RSPH10B2: variants seen among roughly 807,000 people sequenced by gnomAD.
RSPH10B2 encodes radial spoke head 10 homolog B2, also known as radial spoke head 10 homolog B2 (Chlamydomonas).
In RSPH10B2, 9 loss-of-function variants were observed where a neutral mutation model predicts 49.0. That is an observed-to-expected ratio of 0.18 (90% confidence interval 0.11 to 0.32). The LOEUF (loss-of-function observed/expected upper bound fraction) is 0.32. Among genes scored for constraint, RSPH10B2 ranks in the 10% least tolerant of loss-of-function variants. The pLI is 1.00. For synonymous variants in RSPH10B2, 35 were observed against 210.2 expected, an observed-to-expected ratio of 0.17 and a Z score of 7.21; for missense variants, 95 against 589.9, an observed-to-expected ratio of 0.16 and a Z score of 8.69.
chr7:6,770,879 T>G (rs1233836772), intron 7 of RSPH10B2, among the ~76,000 whole-genome samples: 4 of 149,186 alleles, frequency 2.7e-5, no homozygotes, highest in Admixed American at 1.3e-4. Flanking sequence ...CACTCCAGCC[T>G]GGGCACAGAG....
chr7:6,767,851 C>T (rs1781504065), intron 6 of RSPH10B2, among the ~76,000 whole-genome samples: 2 of 72,198 alleles, frequency 2.8e-5, no homozygotes, highest in East Asian at 3.5e-4. Context: ...CCTCTCAAAG[C>T]GTTGGGATTA....
chr7:6,756,231 C>T (rs1190131491), upstream of RSPH10B2, among the ~76,000 whole-genome samples: 1 of 140,532 alleles, frequency 7.1e-6, no homozygotes, highest in East Asian at 2.2e-4. Flanking sequence ...GATCGCACCA[C>T]CGCACTCCAG....
intron 10 of RSPH10B2, among the ~76,000 whole-genome samples, chr7:6,776,980 C>T (rs1428313575): frequency 2.4e-5 from 3 of 124,198 alleles, no homozygotes; most frequent in Admixed American, 8.5e-5. Context: ...GTCCATGGCC[C>T]GTTAGGAAAC....
intron 3 of RSPH10B2, among the ~76,000 whole-genome samples, chr7:6,763,375 G>A (rs1781308775): frequency 2.0e-5 from 2 of 102,420 alleles, no homozygotes; most frequent in Admixed American, 2.1e-4. Context: ...GGAGGCAGAG[G>A]TTGCAGTGAG....
intron 18 of RSPH10B2, among the ~76,000 whole-genome samples, chr7:6,797,722 G>T (rs1409151049): frequency 9.3e-5 from 14 of 151,068 alleles, no homozygotes; most frequent in Non-Finnish European, 2.1e-4. Context: ...AGATGTGGTG[G>T]CAGGCGCCTG....
intron 13 of RSPH10B2, among the ~76,000 whole-genome samples, chr7:6,783,850 T>C (rs547797661): frequency 3.5e-5 from 5 of 144,110 alleles, no homozygotes; most frequent in African/African-American, 7.8e-5. Flanking sequence ...TTATTATTAT[T>C]ATTATTTTGA....
chr7:6,763,967 T>C (rs1413051755), exon 4 of RSPH10B2: 1 of 1,543,418 alleles, frequency 6.5e-7, no homozygotes, highest in African/African-American at 1.4e-5. Context: ...CCACGGCGTG[T>C]ACACGTGGCC....
upstream of RSPH10B2, chr7:6,757,242 TCAC>T: frequency 3.8e-5 from 1 of 26,448 alleles, no homozygotes; most frequent in Non-Finnish European, 5.5e-5. Context: ...GTGACACTAC[TCAC>T]TGCAGCCTCG....
At chr7:6,791,345 A>C (rs189169145) in intron 16 of RSPH10B2, among the ~76,000 whole-genome samples, 3,470 of 142,550 alleles carry the variant, frequency 0.024, 10 homozygotes, top group Non-Finnish European at 0.035. Flanking sequence ...CAACAGACCC[A>C]GGTGACATTT....
chr7:6,779,974 ATT>A (rs769877980), intron 11 of RSPH10B2, among the ~76,000 whole-genome samples: 2,490 of 109,924 alleles, frequency 0.023, 69 homozygotes, highest in African/African-American at 0.08. Flanking sequence ...TGCCTGGCTA[ATT>A]TTTTTTTTTT....
At position 6,796,860 on chromosome 7, in the gene RSPH10B2, G is replaced by C; in HGVS notation, c.2432+94G>C. 4.5e-6 allele frequency: 4 copies of C among 882,218 alleles called. 1 individual carries two copies. The highest frequency in any genetic ancestry group is 1.5e-6 in the Non-Finnish European group (1 of 660,866). The allele number at this position is 882,218 out of a possible 1,614,324, so 54.6% of individuals were successfully genotyped here. ...AACGCATCAGGACCAAGTGCTTTCC[G>C]GACAAGCCGTAATTTCCTATGGGCG... On this transcript the variant is annotated intron_variant, in intron 18 of 18. Transcript: ENST00000297186.
intron 15 of RSPH10B2, among the ~76,000 whole-genome samples, 166 bp downstream of exon 17, chr7:6,787,187 C>T (rs1190015903): frequency 7.3e-6 from 1 of 136,600 alleles, no homozygotes; most frequent in East Asian, 2.6e-4. Flanking sequence ...AACCCTGTCT[C>T]TATTAAAACT....
chr7:6,781,869 A>T lies in RSPH10B2; in HGVS notation c.1758+393A>T, dbSNP rs1259058076. Among the ~76,000 whole-genome samples the T allele has an allele frequency of 1.2e-4, 12 of 99,272 alleles. 4 individuals carry two copies. Among genetic ancestry groups the T allele is most frequent in the African/African-American group, 2.8e-4 (7 of 25,406 alleles). 65.1% of individuals were successfully genotyped at this position (99,272 alleles called of 152,430 possible). A position where few individuals can be genotyped will look rare whatever the true frequency, so the allele number is the denominator to read the frequency against. ...TATGCCATGGGCCATTGTCTTAAAA[A>T]ATATATATATATATAAATATATATA... On this transcript the variant is annotated intron_variant, in intron 13 of 18. Transcript: ENST00000297186.
chr7:6,758,207 T>C (rs2115397217), intron 1 of RSPH10B2, among the ~76,000 whole-genome samples: 1 of 150,214 alleles, frequency 6.7e-6, no homozygotes, highest in South Asian at 2.2e-4. Flanking sequence ...CTCGAACTCC[T>C]GACCTCAGGT....
rs566911000 is a variant in RSPH10B2 at position 6,781,169 on chromosome 7, C to T, written c.1610-159C>T. On this transcript the variant is annotated intron_variant, in intron 12 of 18. Coordinates refer to ENST00000297186, the Ensembl canonical transcript of RSPH10B2. ...AGGAGAATCGCTTGAGCCTGGGGGG[C>T]GGAGGTTGCAGCGAGCCAAGATGGT... 1.8e-3 allele frequency among the ~76,000 whole-genome samples: 206 copies of T among 115,208 alleles called. 49 individuals are homozygous for T. Among genetic ancestry groups the T allele is most frequent in the Non-Finnish European group, 2.4e-3 (134 of 56,046 alleles). 75.6% of individuals were successfully genotyped at this position (115,208 alleles called of 152,430 possible).
In RSPH10B2 at chr7:6,780,550, A is replaced by T. The variant is rs1292926476; in HGVS notation, c.1530-259A>T. Among the ~76,000 whole-genome samples, 2 of 111,426 alleles carry T rather than the reference A, an allele frequency of 1.8e-5. 1 individual carries two copies. Among genetic ancestry groups the T allele is most frequent in the African/African-American group, 6.9e-5 (2 of 28,798 alleles). 73.1% of individuals were successfully genotyped at this position (111,426 alleles called of 152,430 possible). A position where few individuals can be genotyped will look rare whatever the true frequency, so the allele number is the denominator to read the frequency against. On this transcript the variant is annotated intron_variant, in intron 11 of 18. Transcript: ENST00000297186. ...CGGTGTCTGCCACCAAGCCCAGCTAATTTTTTGTATTTTTAGTGGAGATGG... is the reference window on the plus strand; with the variant it reads ...CGGTGTCTGCCACCAAGCCCAGCTATTTTTTTGTATTTTTAGTGGAGATGG...
intron 13 of RSPH10B2, among the ~76,000 whole-genome samples, chr7:6,782,225 T>A (rs1781966819): frequency 6.8e-6 from 1 of 146,130 alleles, no homozygotes; most frequent in African/African-American, 2.6e-5. Flanking sequence ...GCCTACAATA[T>A]CTTTATTCAT....
chr7:6,780,268 C>T (rs1583517531), intron 11 of RSPH10B2, among the ~76,000 whole-genome samples: 3 of 124,096 alleles, frequency 2.4e-5, no homozygotes, highest in East Asian at 2.6e-4. Context: ...AAATATCTCT[C>T]GGGGTTTCTA....
chr7:6,782,990 C>T (rs146096482), intron 13 of RSPH10B2, among the ~76,000 whole-genome samples: 3 of 129,756 alleles, frequency 2.3e-5, no homozygotes, highest in East Asian at 2.5e-4. Flanking sequence ...GTGACAACAT[C>T]TATACAATGT....
Sources: allele counts gnomAD v4.1 joint callset (sites outside exome capture counted in the v4.1 genomes callset), GRCh38; gene constraint gnomAD v4.1.1; transcripts MANE v1.5; gene names NCBI Gene and HGNC (gene_info 2026-07-23, HGNC 2026-07-21).